The following RABGAP1L variants were observed in gnomAD, a reference collection of about 807,000 sequenced individuals.
The protein encoded by RABGAP1L is rab GTPase-activating protein 1-like.
A neutral mutation model predicts 137.7 loss-of-function variants in RABGAP1L; 63 were observed. The observed-to-expected ratio is 0.46, with a 90% CI of 0.37 to 0.56. The LOEUF (loss-of-function observed/expected upper bound fraction) is 0.56. Ranked by LOEUF, RABGAP1L falls within the 20% of genes least tolerant of loss-of-function variation. The probability of loss-of-function intolerance (pLI) is 0.00; values close to 1 mark genes in which losing one functional copy is unlikely to be tolerated. For missense variants in RABGAP1L, 1,095 were observed against 1,244.0 expected, an observed-to-expected ratio of 0.88 and a Z score of 1.80; for synonymous variants, 431 against 433.7, an observed-to-expected ratio of 0.99 and a Z score of 0.08.
At chr1:174,708,196 TTCTC>T (rs375569449) in intron 17 of RABGAP1L, among the ~76,000 whole-genome samples, 73 of 152,332 alleles carry the variant, frequency 4.8e-4, no homozygotes, top group African/African-American at 1.7e-3. Flanking sequence ...CCAGGTATAA[TTCTC>T]TCAAAGCAGT....
At chr1:174,225,928 C>CA (rs1253081765) in intron 3 of RABGAP1L, among the ~76,000 whole-genome samples, 1 of 152,048 alleles carries the variant, frequency 6.6e-6, no homozygotes, top group Non-Finnish European at 1.5e-5. Context: ...GCCTTTGAGA[C>CA]ACATTTCTTT....
chr1:174,338,360 A>G (rs1681663807), intron 11 of RABGAP1L, among the ~76,000 whole-genome samples: 1 of 152,198 alleles, frequency 6.6e-6, no homozygotes, highest in South Asian at 2.1e-4. Context: ...CAACGAAAGT[A>G]TCTTAAATTT....
chr1:174,376,991 T>G (rs535813804), intron 12 of RABGAP1L, among the ~76,000 whole-genome samples: 13 of 152,254 alleles, frequency 8.5e-5, no homozygotes, highest in Non-Finnish European at 1.9e-4. Context: ...CTCCTAGATC[T>G]AATAAATGAG....
Position 174,949,501 on chromosome 1 carries a change from G to C in RABGAP1L, c.2341-7956G>C, listed in dbSNP as rs1667404798. On this transcript the variant is annotated intron_variant, in intron 19 of 25. Transcript: ENST00000681986. ...GGGGAGCAGACAATGGTGACTTGTG[G>C]GTTTCTGGCTTGAGCTTCTGGATGG... is the stretch of plus-strand genomic sequence containing the variant. Among the ~76,000 whole-genome samples the C allele has an allele frequency of 2.0e-5, 3 of 152,302 alleles. No individual in the cohort carries two copies. In the South Asian group the frequency reaches 6.2e-4, roughly 32 times the overall value.
intron 19 of RABGAP1L, among the ~76,000 whole-genome samples, chr1:174,949,085 GTACTTTC>G (rs1290388982): frequency 2.6e-5 from 4 of 152,108 alleles, no homozygotes; most frequent in Non-Finnish European, 5.9e-5. Context: ...ATAGTTTTAT[GTACTTTC>G]TGGGATGGAC....
chr1:174,177,484 A>G (rs1665983032), intron 1 of RABGAP1L, among the ~76,000 whole-genome samples: 1 of 152,174 alleles, frequency 6.6e-6, no homozygotes, highest in Admixed American at 6.6e-5. Context: ...CTTTAGCTTA[A>G]TTAGATCCCA....
intron 13 of RABGAP1L, among the ~76,000 whole-genome samples, chr1:174,541,614 A>C (rs1475124332): frequency 1.3e-5 from 2 of 152,068 alleles, no homozygotes; most frequent in African/African-American, 4.8e-5. Context: ...GTATCTACTA[A>C]AAATACAAAA....
chr1:174,615,705 C>T (rs1408450396), intron 13 of RABGAP1L, among the ~76,000 whole-genome samples: 1 of 152,190 alleles, frequency 6.6e-6, no homozygotes, highest in Non-Finnish European at 1.5e-5. Context: ...GGCAGGCAGG[C>T]CTCCTTGAGC....
intron 12 of RABGAP1L, among the ~76,000 whole-genome samples, chr1:174,375,403 ATCAG>A (rs1374196625): frequency 3.3e-5 from 5 of 152,002 alleles, no homozygotes. Flanking sequence ...ACTTCAGAAA[ATCAG>A]TCAAACTGAA....
chr1:174,194,100 T>G (rs1312835048), intron 1 of RABGAP1L, among the ~76,000 whole-genome samples: 1 of 152,204 alleles, frequency 6.6e-6, no homozygotes, highest in African/African-American at 2.4e-5. Context: ...GGGTCAACAC[T>G]GACCTGCTTG....
At chr1:174,488,668 T>G (rs1480382255) in intron 13 of RABGAP1L, among the ~76,000 whole-genome samples, 1 of 152,198 alleles carries the variant, frequency 6.6e-6, no homozygotes, top group Non-Finnish European at 1.5e-5. Flanking sequence ...CTCTTAGCTT[T>G]GCTTTTTTGA....
At chr1:174,540,513 G>A (rs1433635199) in intron 13 of RABGAP1L, among the ~76,000 whole-genome samples, 1 of 152,114 alleles carries the variant, frequency 6.6e-6, no homozygotes, top group African/African-American at 2.4e-5. Context: ...TCTACGTATG[G>A]CTAGCCAGTT....
chr1:174,650,366 A>G (rs1675367507), intron 14 of RABGAP1L, among the ~76,000 whole-genome samples: 1 of 152,036 alleles, frequency 6.6e-6, no homozygotes, highest in African/African-American at 2.4e-5. Context: ...GTTAGGGAGG[A>G]TTCCGTCTTT....
At chr1:174,373,712 G>A (rs983254136) in intron 12 of RABGAP1L, among the ~76,000 whole-genome samples, 2 of 152,186 alleles carry the variant, frequency 1.3e-5, no homozygotes, top group Admixed American at 1.3e-4. Context: ...GATATAGCTG[G>A]TGCTGGCAAT....
intron 13 of RABGAP1L, among the ~76,000 whole-genome samples, chr1:174,597,867 T>G (rs1052334243): frequency 2.1e-4 from 32 of 152,210 alleles, no homozygotes; most frequent in African/African-American, 7.2e-4. Context: ...TAATTTGTTT[T>G]AAGGAATTTT....
chr1:174,898,750 T>C (rs928001910), intron 19 of RABGAP1L, among the ~76,000 whole-genome samples: 1 of 152,236 alleles, frequency 6.6e-6, no homozygotes, highest in Admixed American at 6.5e-5. Context: ...AACAATGTTT[T>C]AATAAATATT....
At chr1:174,349,046 G>GA (rs1203026353) in intron 11 of RABGAP1L, among the ~76,000 whole-genome samples, 4 of 87,540 alleles carry the variant, frequency 4.6e-5, no homozygotes, top group East Asian at 2.6e-4. Context: ...TGGCCGGGCG[G>GA]GGGGGGGGCT....
chr1:174,416,631 A>G (rs1456272725), intron 13 of RABGAP1L, among the ~76,000 whole-genome samples: 4 of 152,118 alleles, frequency 2.6e-5, no homozygotes, highest in African/African-American at 4.8e-5. Flanking sequence ...TTGAGTGTGT[A>G]TGTAAATATA....
intron 19 of RABGAP1L, among the ~76,000 whole-genome samples, chr1:174,838,786 G>A (rs1251183559): frequency 6.6e-6 from 1 of 151,330 alleles, no homozygotes; most frequent in East Asian, 1.9e-4. Flanking sequence ...GCTTGCTGGC[G>A]GGCGCCTGTA....
Sources: allele counts gnomAD v4.1 joint callset (sites outside exome capture counted in the v4.1 genomes callset), GRCh38; gene constraint gnomAD v4.1.1; transcripts MANE v1.5; gene names NCBI Gene and HGNC (gene_info 2026-07-23, HGNC 2026-07-21).